PCNX2: variants seen among roughly 807,000 people sequenced by gnomAD.
PCNX2 encodes pecanex-like protein 2.
Under a neutral mutation model 223.8 loss-of-function variants are expected in PCNX2, and 168 were observed. That is an observed-to-expected ratio of 0.75 (90% confidence interval 0.66 to 0.85). The LOEUF is 0.85. Ranked by LOEUF, PCNX2 falls within the 40% of genes least tolerant of loss-of-function variation. The probability of loss-of-function intolerance (pLI) is 0.00; values close to 1 mark genes in which losing one functional copy is unlikely to be tolerated. For missense variants in PCNX2, 2,507 were observed against 2,675.5 expected (o/e 0.94, Z 1.39); for synonymous variants, 1,006 against 1,052.6 (o/e 0.96, Z 0.86).
rs191833768 is a variant in PCNX2, at chr1:233,263,226, C to T, written c.154-63G>A. ...TTAAGATTTTCTTTCTGTTTTAAATCTGGAAGCATTTTTAGACTATCTATT... is the reference window on the plus strand; with the variant it reads ...TTAAGATTTTCTTTCTGTTTTAAATTTGGAAGCATTTTTAGACTATCTATT... On this transcript the variant is annotated intron_variant, in intron 1 of 33. Transcript: ENST00000258229. 61 of 1,375,278 alleles carry T rather than the reference C, an allele frequency of 4.4e-5. No homozygotes were observed. The African/African-American group carries it at 8.6e-4, about 19-fold the overall frequency. The allele number at this position is 1,375,278 out of a possible 1,614,324, so 85.2% of individuals were successfully genotyped here.
intron 9 of PCNX2, 140 bp downstream of exon 9, chr1:233,236,705 G>A: frequency 8.2e-7 from 1 of 1,213,140 alleles, no homozygotes. Context: ...AGACTGCCTT[G>A]CAGTGATATA....
At chr1:233,313,775 A>G in the PCNX2 span, among the ~76,000 whole-genome samples, 1 of 152,202 alleles carries the variant, frequency 6.6e-6, no homozygotes, top group African/African-American at 2.4e-5. Context: ...GGGTAATTAA[A>G]TGACCCAAAC....
chr1:233,025,114 C>A, intron 26 of PCNX2, 32 bp downstream of exon 26: 1 of 1,609,014 alleles, frequency 6.2e-7, no homozygotes, highest in Non-Finnish European at 8.5e-7. Flanking sequence ...CCTAGCATTT[C>A]TGCCTTAGGT....
intron 17 of PCNX2, chr1:233,172,619 T>A: frequency 2.2e-6 from 2 of 905,778 alleles, no homozygotes; most frequent in Non-Finnish European, 2.6e-6. Flanking sequence ...ATTCCTGTTC[T>A]CCATAGTTCG....
chr1:233,191,332 G>C (rs1215025906), intron 15 of PCNX2, among the ~76,000 whole-genome samples: 1 of 152,124 alleles, frequency 6.6e-6, no homozygotes, highest in Non-Finnish European at 1.5e-5. Flanking sequence ...TTCAACTTCT[G>C]CATCAGTTAC....
chr1:233,208,790 A>G (rs576820190), intron 12 of PCNX2, 101 bp from the exon 13 acceptor site: 4 of 767,730 alleles, frequency 5.2e-6, no homozygotes, highest in South Asian at 5.7e-5. Context: ...ACTTATACAT[A>G]TAACACATTT....
intron 1 of PCNX2, chr1:233,290,607 AAATGTCACCAATTAGCTGTAATAAC>A (rs1661706670): frequency 2.2e-6 from 1 of 459,062 alleles, no homozygotes; most frequent in African/African-American, 2.1e-5. Context: ...ACTGTCATAG[AAATGTCACCAATTAGCTGTAATAAC>A]AATTAGAATG....
intron 28 of PCNX2, among the ~76,000 whole-genome samples, chr1:233,009,208 G>C (rs771323078): frequency 2.0e-5 from 3 of 152,146 alleles, no homozygotes; most frequent in Non-Finnish European, 2.9e-5. Context: ...CTCCTAACTT[G>C]CATTAGCACT....
chr1:233,178,971 G>T, intron 16 of PCNX2, 95 bp downstream of exon 16: 1 of 1,068,548 alleles, frequency 9.4e-7, no homozygotes, highest in Non-Finnish European at 1.4e-6. Flanking sequence ...ACAATGGGCA[G>T]TGAATTGCTG....
intron 21 of PCNX2, among the ~76,000 whole-genome samples, chr1:233,116,251 TCAA>T (rs1293274417): frequency 6.6e-6 from 1 of 152,088 alleles, no homozygotes; most frequent in Non-Finnish European, 1.5e-5. Context: ...ATAGCAGAAC[TCAA>T]CAACATTATA....
intron 28 of PCNX2, among the ~76,000 whole-genome samples, chr1:233,006,944 G>C (rs1274234854): frequency 6.6e-6 from 1 of 151,420 alleles, no homozygotes; most frequent in African/African-American, 2.4e-5. Context: ...CTCCACCTTG[G>C]GTACTGCAGC....
chr1:233,225,889 T>C (rs1657681776), intron 10 of PCNX2, among the ~76,000 whole-genome samples: 1 of 152,228 alleles, frequency 6.6e-6, no homozygotes, highest in South Asian at 2.1e-4. Flanking sequence ...GGTAACATAG[T>C]GTTGTTAGGA....
intron 21 of PCNX2, among the ~76,000 whole-genome samples, chr1:233,121,927 T>G (rs1375860604): frequency 4.6e-5 from 7 of 152,170 alleles, no homozygotes; most frequent in Admixed American, 4.6e-4. Flanking sequence ...CACCCCAGTA[T>G]CAATAAGTAC....
chr1:233,264,069 C>A (rs1660205220), intron 1 of PCNX2, among the ~76,000 whole-genome samples: 4 of 152,126 alleles, frequency 2.6e-5, no homozygotes, highest in South Asian at 4.1e-4. Context: ...GCATGGCGAC[C>A]ATAGTGAGGT....
intron 21 of PCNX2, among the ~76,000 whole-genome samples, chr1:233,131,740 T>A (rs889157264): frequency 1.3e-5 from 2 of 152,180 alleles, no homozygotes; most frequent in African/African-American, 4.8e-5. Flanking sequence ...TTTCTTTTTT[T>A]TTGACACTTA....
At chr1:233,206,426 C>T (rs933342559) in intron 13 of PCNX2, among the ~76,000 whole-genome samples, 23 of 151,796 alleles carry the variant, frequency 1.5e-4, no homozygotes, top group African/African-American at 5.3e-4. Flanking sequence ...TCTCTGTCTA[C>T]TCAAACTCTG....
At chr1:233,087,381 G>A (rs1323402202) in intron 23 of PCNX2, among the ~76,000 whole-genome samples, 2 of 152,134 alleles carry the variant, frequency 1.3e-5, no homozygotes, top group Admixed American at 6.5e-5. Context: ...AGACGAGAAT[G>A]TCTTTTCAGG....
intron 21 of PCNX2, among the ~76,000 whole-genome samples, chr1:233,100,417 C>CAAAA (rs5781726): frequency 9.9e-5 from 8 of 81,058 alleles, no homozygotes; most frequent in East Asian, 3.5e-4. Context: ...GATTCTGTCT[C>CAAAA]AAAAAAAAAA....
At chr1:233,265,590 G>A (rs138802275) in intron 1 of PCNX2, among the ~76,000 whole-genome samples, 308 of 152,274 alleles carry the variant, frequency 2.0e-3, no homozygotes, top group Non-Finnish European at 3.5e-3. Context: ...GTAACTCTGC[G>A]GAGCAAGGCC....
Sources: allele counts gnomAD v4.1 joint callset (sites outside exome capture counted in the v4.1 genomes callset), GRCh38; gene constraint gnomAD v4.1.1; transcripts MANE v1.5; gene names NCBI Gene and HGNC (gene_info 2026-07-23, HGNC 2026-07-21).